The following MESD variants were observed in gnomAD, a reference collection of about 807,000 sequenced individuals.
The protein encoded by MESD is LRP chaperone MESD.
A neutral mutation model predicts 12.9 loss-of-function variants in MESD; 7 were observed. The ratio of observed to expected loss-of-function variants is 0.54; its 90% confidence interval spans 0.31 to 1.02. The LOEUF (loss-of-function observed/expected upper bound fraction) is 1.02. Among genes scored for constraint, MESD ranks in the 50% least tolerant of loss-of-function variants. The probability of loss-of-function intolerance (pLI) is 0.05; values close to 1 mark genes in which losing one functional copy is unlikely to be tolerated. For missense variants in MESD, 342 were observed against 296.7 expected (o/e 1.15, Z -1.12); for synonymous variants, 126 against 115.6 (o/e 1.09, Z -0.58).
At chr15:80,989,525 G>A in intron 1 of MESD, 54 bp downstream of exon 1, 3 of 1,569,984 alleles carry the variant, frequency 1.9e-6, no homozygotes, top group Non-Finnish European at 2.6e-6. Flanking sequence ...AGGGGTCATA[G>A]GGAACAGGGT....
intron 3 of MESD, chr15:80,953,014 G>A (rs1302625776): frequency 4.4e-6 from 2 of 456,096 alleles, no homozygotes; most frequent in South Asian, 3.1e-5. Flanking sequence ...AGGTCAGTGA[G>A]TGGAAGTAGG....
At chr15:80,986,679 C>CG (rs1386163233) in intron 1 of MESD, among the ~76,000 whole-genome samples, 5 of 152,264 alleles carry the variant, frequency 3.3e-5, no homozygotes, top group South Asian at 2.1e-4. Context: ...TGAGGCAGAG[C>CG]GGGGGGCCAG....
Position 80,977,918 on chromosome 15 carries a change from C to A in MESD, c.*1301G>T, listed in dbSNP as rs1049796675. The stretch of plus-strand genomic sequence containing the variant: ...GGGGACTGCAGGGCAAATGTCCCAT[C>A]CAAAGCAGAGAACTGAGAATGCAGA... On this transcript the variant is annotated 3_prime_UTR_variant, in exon 3 of 3. Coordinates refer to ENST00000261758, the MANE Select transcript of MESD (RefSeq NM_015154.3). 1.3e-5 allele frequency: 2 copies of A among 152,240 alleles called. No individual in the cohort carries two copies. The highest frequency in any genetic ancestry group is 2.4e-5 in the African/African-American group (1 of 41,430). 9.4% of individuals were successfully genotyped at this position (152,240 alleles called of 1,614,324 possible).
intron 2 of MESD, among the ~76,000 whole-genome samples, chr15:80,980,660 G>GCAACA (rs1902549761): frequency 1.3e-5 from 2 of 152,020 alleles, no homozygotes; most frequent in Non-Finnish European, 2.9e-5. Flanking sequence ...CACACACTAG[G>GCAACA]CATGGTTGCC....
downstream of MESD, among the ~76,000 whole-genome samples, chr15:80,975,147 C>T (rs961109465): frequency 3.4e-5 from 5 of 148,192 alleles, no homozygotes; most frequent in Non-Finnish European, 7.4e-5. Context: ...AATCGGAGGC[C>T]GAGGCAGGAG....
chr15:80,954,482 G>T (rs1901923623), intron 3 of MESD, among the ~76,000 whole-genome samples: 1 of 152,218 alleles, frequency 6.6e-6, no homozygotes, highest in Non-Finnish European at 1.5e-5. Flanking sequence ...GGCAGGGAAA[G>T]GAGTAGGATG....
In MESD at chr15:80,968,989, G is replaced by A. The variant is rs149103844; in HGVS notation, c.*288+9942C>T. On this transcript the variant is annotated intron_variant, in intron 3 of 4. Coordinates refer to the MESD transcript ENST00000561312. ...GGATTGCTTGAACCCAGGAGTTCAAGACCAGCCAGGGCAACATAGGGAGAC... is the reference window on the plus strand; with the variant it reads ...GGATTGCTTGAACCCAGGAGTTCAAAACCAGCCAGGGCAACATAGGGAGAC... Among the ~76,000 whole-genome samples the A allele has an allele frequency of 1.8e-3, 275 of 152,292 alleles. 1 individual carries two copies. The highest frequency in any genetic ancestry group is 6.4e-3 in the African/African-American group (265 of 41,560).
chr15:80,960,475 CA>C (rs1902066365), intron 3 of MESD, among the ~76,000 whole-genome samples: 1 of 150,610 alleles, frequency 6.6e-6, no homozygotes, highest in Non-Finnish European at 1.5e-5. Flanking sequence ...AGAAGGAGTA[CA>C]AGGACTTACA....
Position 80,979,206 on chromosome 15 carries a change from C to G in MESD, c.*13G>C. 6.2e-7 allele frequency: 1 copy of G among 1,609,938 alleles called. No homozygotes were observed. The highest frequency in any genetic ancestry group is 8.5e-7 in the Non-Finnish European group (1 of 1,177,836). On this transcript the variant is annotated 3_prime_UTR_variant, in exon 3 of 3. Coordinates refer to ENST00000261758, the MANE Select transcript of MESD (RefSeq NM_015154.3). The stretch of plus-strand genomic sequence containing the variant: ...GTCCACCTGTCCCCCCACAGCGCGT[C>G]ACTGCTGCCCCATCACAGGTCTTCT...
chr15:80,983,114 G>A (rs1054860994), intron 1 of MESD, among the ~76,000 whole-genome samples: 1 of 151,840 alleles, frequency 6.6e-6, no homozygotes, highest in South Asian at 2.1e-4. Flanking sequence ...GTGGCGGCAG[G>A]TGCCTGTAGT....
intron 3 of MESD, among the ~76,000 whole-genome samples, chr15:80,957,623 C>T (rs977921258): frequency 2.6e-5 from 4 of 151,662 alleles, no homozygotes; most frequent in Admixed American, 1.3e-4. Context: ...CACACACACA[C>T]GAAATTGGCT....
At position 80,979,215 on chromosome 15, in the gene MESD, C is replaced by T. The variant is rs760249680; in HGVS notation, c.*4G>A. The T allele has an allele frequency of 3.7e-6, 6 of 1,612,370 alleles. No homozygotes were observed. In the South Asian group the frequency reaches 4.4e-5, roughly 12 times the overall value. ...TCCCCCCACAGCGCGTCACTGCTGC[C>T]CCATCACAGGTCTTCTCTTTTATTC... is the stretch of plus-strand genomic sequence containing the variant. On this transcript the variant is annotated 3_prime_UTR_variant, in exon 3 of 3. Coordinates refer to ENST00000261758, the MANE Select transcript of MESD (RefSeq NM_015154.3).
Position 80,958,290 on chromosome 15 carries a change from T to C in MESD, c.*289-5994A>G, listed in dbSNP as rs534232128. 1.3e-4 allele frequency among the ~76,000 whole-genome samples: 20 copies of C among 152,256 alleles called. No homozygotes were observed. In the South Asian group the frequency reaches 4.1e-3, roughly 32 times the overall value. ...TATCAGGTATAGAATTGTTGCTCTC[T>C]CATCAATAAAAAGATTGGTCCCAGG... On this transcript the variant is annotated intron_variant, in intron 3 of 4. Transcript: ENST00000561312.
At chr15:80,983,551 C>A (rs1213904864) in intron 1 of MESD, among the ~76,000 whole-genome samples, 15 of 152,100 alleles carry the variant, frequency 9.9e-5, no homozygotes, top group Non-Finnish European at 1.5e-5. Context: ...TTGAAGGTAT[C>A]AGGAGAAACT....
chr15:80,984,470 T>A (rs1902674621), intron 1 of MESD, among the ~76,000 whole-genome samples: 1 of 152,122 alleles, frequency 6.6e-6, no homozygotes, highest in African/African-American at 2.4e-5. Context: ...GAAAATATTA[T>A]GCTAAGTGAA....
chr15:80,984,400 C>T (rs1567126966), intron 1 of MESD, among the ~76,000 whole-genome samples: 1 of 151,964 alleles, frequency 6.6e-6, no homozygotes, highest in African/African-American at 2.4e-5. Context: ...TATCATGACC[C>T]TATCTCTACC....
At chr15:80,952,646 CTCTG>C (rs769967928) in intron 3 of MESD, among the ~76,000 whole-genome samples, 52 of 151,350 alleles carry the variant, frequency 3.4e-4, no homozygotes, top group South Asian at 1.2e-3. Context: ...GTGTATGTCT[CTCTG>C]TCTGTCTGTC....
At chr15:80,947,315 T>C, downstream of MESD, 1 of 483,020 alleles carries the variant, frequency 2.1e-6, no homozygotes, top group South Asian at 2.5e-5. Context: ...ATTGCTATAT[T>C]TGTTGACTCA....
chr15:80,961,432 T>A (rs1195270598), intron 3 of MESD, among the ~76,000 whole-genome samples: 1 of 152,170 alleles, frequency 6.6e-6, no homozygotes, highest in African/African-American at 2.4e-5. Context: ...TGAGATGCTA[T>A]TATCCACCTA....
Sources: gnomAD v4.1 joint callset for allele counts (sites outside exome capture counted in the v4.1 genomes callset) on GRCh38, gnomAD v4.1.1 for gene constraint, MANE v1.5 for transcripts, NCBI Gene and HGNC (gene_info 2026-07-23, HGNC 2026-07-21) for gene names.